Variants in CNTN3 observed in about 807,000 individuals in gnomAD.
CNTN3 encodes contactin-3.
In CNTN3, 60 loss-of-function variants were observed where a neutral mutation model predicts 119.1. The ratio of observed to expected loss-of-function variants is 0.50; its 90% CI spans 0.41 to 0.62. The LOEUF is 0.62. CNTN3 is among the 20% of genes least tolerant of loss of function. The probability of loss-of-function intolerance (pLI) is 0.00; values close to 1 mark genes in which losing one functional copy is unlikely to be tolerated. For synonymous variants in CNTN3, 450 were observed against 438.7 expected (o/e 1.03, Z -0.32); for missense variants, 1,101 against 1,242.4 (o/e 0.89, Z 1.71).
intron 1 of CNTN3, among the ~76,000 whole-genome samples, chr3:74,564,484 A>C (rs1197074335): frequency 6.6e-6 from 1 of 151,592 alleles, no homozygotes; most frequent in East Asian, 1.9e-4. Context: ...TTGCTGCCCC[A>C]GGGAGAAGGT....
At chr3:74,412,184 T>A (rs1310256441) in intron 5 of CNTN3, among the ~76,000 whole-genome samples, 2 of 152,152 alleles carry the variant, frequency 1.3e-5, no homozygotes, top group Non-Finnish European at 2.9e-5. Flanking sequence ...GTAAAATCGA[T>A]CTGAAATATT....
chr3:74,534,348 TTTA>T (rs1307395626), intron 1 of CNTN3, among the ~76,000 whole-genome samples: 3 of 152,056 alleles, frequency 2.0e-5, no homozygotes, highest in Admixed American at 6.6e-5. Flanking sequence ...ATATCCCCAC[TTTA>T]TTATTTTTTT....
In CNTN3 at chr3:74,574,558, G is replaced by A. The variant is rs542185604; in HGVS notation, c.-81+39833C>T. ...TTTAATAAAACACAAAGCCATCTAG[G>A]TTTGCTCTCAATGGTAAAGCATGAA... On this transcript the variant is annotated intron_variant, in intron 1 of 22. Coordinates refer to ENST00000263665, the MANE Select transcript of CNTN3 (RefSeq NM_020872.3). 2.6e-5 allele frequency among the ~76,000 whole-genome samples: 4 copies of A among 152,238 alleles called. No homozygotes were observed. In the South Asian group the frequency reaches 6.2e-4, roughly 24 times the overall value.
chr3:74,411,359 T>C (rs546085257), intron 5 of CNTN3, among the ~76,000 whole-genome samples: 1 of 152,224 alleles, frequency 6.6e-6, no homozygotes. Context: ...ATCTTTAAGC[T>C]AGGTCAGCGC....
intron 5 of CNTN3, among the ~76,000 whole-genome samples, chr3:74,421,084 A>G (rs1701608687): frequency 6.6e-6 from 1 of 152,204 alleles, no homozygotes; most frequent in Non-Finnish European, 1.5e-5. Flanking sequence ...ACTAGCAGGT[A>G]ATTTCCACAA....
intron 4 of CNTN3, among the ~76,000 whole-genome samples, chr3:74,485,066 T>A (rs1253748865): frequency 6.6e-6 from 1 of 152,100 alleles, no homozygotes; most frequent in East Asian, 1.9e-4. Flanking sequence ...AAAATTCTAG[T>A]TAACAACTAT....
chr3:74,316,363 A>G, intron 13 of CNTN3, among the ~76,000 whole-genome samples: 1 of 152,218 alleles, frequency 6.6e-6, no homozygotes. Flanking sequence ...TGTGGAGTAA[A>G]GGAAACAGGT....
chr3:74,428,149 A>C (rs552976649), intron 4 of CNTN3, among the ~76,000 whole-genome samples: 1 of 152,320 alleles, frequency 6.6e-6, no homozygotes, highest in African/African-American at 2.4e-5. Flanking sequence ...AAAGTTTTGC[A>C]TATAAAATTA....
intron 13 of CNTN3, among the ~76,000 whole-genome samples, chr3:74,312,455 CAA>C (rs745514119): frequency 0.011 from 294 of 27,766 alleles, no homozygotes; most frequent in African/African-American, 0.036. Context: ...GACTCCATCT[CAA>C]AAAAAAAAAA....
chr3:74,562,790 A>G (rs1704172167), intron 1 of CNTN3, among the ~76,000 whole-genome samples: 1 of 151,958 alleles, frequency 6.6e-6, no homozygotes, highest in African/African-American at 2.4e-5. Context: ...CAACTTTTCC[A>G]ATCCTTTCCT....
rs1030134061 is a variant in CNTN3 at position 74,281,744 on chromosome 3, CT to C, written c.2704+3560del. Among the ~76,000 whole-genome samples, 4 of 152,148 alleles carry C rather than the reference CT, an allele frequency of 2.6e-5. No homozygotes were observed. In the South Asian group the frequency reaches 6.2e-4, roughly 24 times the overall value. On this transcript the variant is annotated intron_variant, in intron 20 of 22. Transcript: ENST00000263665. ...TCGAGGGTGACTCTGAGATTTTTGG[CT>C]TGAGAAACTGAAACATTGGAGTGGA...
At chr3:74,331,008 G>C (rs1221209618) in intron 13 of CNTN3, among the ~76,000 whole-genome samples, 9 of 152,048 alleles carry the variant, frequency 5.9e-5, no homozygotes, top group Non-Finnish European at 1.2e-4. Context: ...AAAAAGTTAT[G>C]GTAAGCTACG....
At chr3:74,474,887 C>T (rs1223136449) in intron 4 of CNTN3, among the ~76,000 whole-genome samples, 3 of 152,012 alleles carry the variant, frequency 2.0e-5, no homozygotes, top group Non-Finnish European at 4.4e-5. Flanking sequence ...TCCTCCCCAC[C>T]GTTCTCTTGC....
chr3:74,424,474 CAG>C (rs71625974), intron 5 of CNTN3, among the ~76,000 whole-genome samples: 47 of 142,440 alleles, frequency 3.3e-4, no homozygotes, highest in South Asian at 4.5e-4. Context: ...GTGTGTGTGA[CAG>C]AGAGAGAGAG....
intron 20 of CNTN3, among the ~76,000 whole-genome samples, chr3:74,274,760 A>G (rs969067509): frequency 2.6e-5 from 4 of 152,144 alleles, no homozygotes; most frequent in Non-Finnish European, 5.9e-5. Flanking sequence ...AACAACCCCC[A>G]AAAATCATAC....
At chr3:74,473,861 T>C (rs1702608146) in intron 4 of CNTN3, among the ~76,000 whole-genome samples, 1 of 152,068 alleles carries the variant, frequency 6.6e-6, no homozygotes, top group Admixed American at 6.5e-5. Context: ...GTGAGAGAAG[T>C]GCAGGGAAGA....
At chr3:74,608,433 C>T (rs62266479) in intron 1 of CNTN3, among the ~76,000 whole-genome samples, 31,820 of 152,072 alleles carry the variant, frequency 0.21, 3,471 homozygotes, top group Middle Eastern at 0.3. Flanking sequence ...TGTTTCACTC[C>T]AATAAAATAA....
rs1179415086 is a variant in CNTN3, at chr3:74,345,963, C to T, written c.1365-9305G>A. 5.3e-5 allele frequency among the ~76,000 whole-genome samples: 8 copies of T among 152,140 alleles called. No individual in the cohort carries two copies. The East Asian group carries it at 1.5e-3, about 29-fold the overall frequency. On this transcript the variant is annotated intron_variant, in intron 11 of 22. Coordinates refer to ENST00000263665, the MANE Select transcript of CNTN3 (RefSeq NM_020872.3). ...AAAGATTCCATGGTGAGGATTTATG[C>T]TGTTCTAAAGAAACTTACATTCTAG...
chr3:74,503,589 TA>T lies in CNTN3; in HGVS notation c.56-3805del, dbSNP rs146226400. On this transcript the variant is annotated intron_variant, in intron 2 of 22. Coordinates refer to ENST00000263665, the MANE Select transcript of CNTN3 (RefSeq NM_020872.3). Reference sequence around the variant, plus strand: ...AGAGATTCTGAAGTCTCTGCTAATCTAAAAGAAATTATCCAACATTTTCTTC... The same window carrying T: ...AGAGATTCTGAAGTCTCTGCTAATCTAAAGAAATTATCCAACATTTTCTTC... Among the ~76,000 whole-genome samples, 375 of 152,214 alleles carry T rather than the reference TA, an allele frequency of 2.5e-3. 6 individuals carry two copies. In the East Asian group the frequency reaches 0.06, roughly 24 times the overall value.
Sources: gnomAD v4.1 joint callset for allele counts (sites outside exome capture counted in the v4.1 genomes callset) on GRCh38, gnomAD v4.1.1 for gene constraint, MANE v1.5 for transcripts, NCBI Gene and HGNC (gene_info 2026-07-23, HGNC 2026-07-21) for gene names.